Variants in TIAM1 observed in about 807,000 individuals in gnomAD.
The protein encoded by TIAM1 is TIAM Rac1 associated GEF 1.
Under a neutral mutation model 163.5 loss-of-function variants are expected in TIAM1, and 65 were observed. The observed-to-expected ratio is 0.40, with a 90% CI of 0.33 to 0.49. The LOEUF (loss-of-function observed/expected upper bound fraction) is 0.49, where lower values mean the gene tolerates loss of function less well. Among genes scored for constraint, TIAM1 ranks in the 20% least tolerant of loss-of-function variants. TIAM1 has a pLI of 0.77. For synonymous variants in TIAM1, 833 were observed against 810.1 expected (o/e 1.03, Z -0.48); for missense variants, 1,789 against 2,044.7 (o/e 0.87, Z 2.41).
At chr21:31,299,420 T>C (rs916417043) in intron 2 of TIAM1, among the ~76,000 whole-genome samples, 3 of 152,342 alleles carry the variant, frequency 2.0e-5, no homozygotes, top group Middle Eastern at 3.4e-3. Flanking sequence ...TATCAACTGT[T>C]ATTTCTTGTT....
rs370504025 is a variant in TIAM1 at position 31,456,194 on chromosome 21, A to G, written c.-369+7789T>C. ...CTTTCTGTGACTGTTTAAAATTTGT[A>G]TATTATCTAAAGAATAAAACATTTG... On this transcript the variant is annotated intron_variant, in intron 2 of 28. Coordinates refer to the TIAM1 transcript ENST00000286827. 2.6e-4 allele frequency among the ~76,000 whole-genome samples: 39 copies of G among 152,346 alleles called. No individual in the cohort carries two copies. The East Asian group carries it at 6.6e-3, about 26-fold the overall frequency.
At chr21:31,213,688 T>C (rs1467991937) in intron 9 of TIAM1, among the ~76,000 whole-genome samples, 2 of 145,492 alleles carry the variant, frequency 1.4e-5, no homozygotes, top group African/African-American at 5.6e-5. Flanking sequence ...TGTTTGACAG[T>C]TGGAAAAAAA....
intron 4 of TIAM1, 94 bp downstream of exon 4, chr21:31,265,916 G>T (rs1019010872): frequency 1.3e-6 from 2 of 1,509,090 alleles, no homozygotes; most frequent in Non-Finnish European, 1.8e-6. Context: ...GGTAAAACCC[G>T]ATTAAAAGAT....
chr21:31,315,731 C>T (rs1391859522), intron 2 of TIAM1, among the ~76,000 whole-genome samples: 5 of 150,088 alleles, frequency 3.3e-5, no homozygotes, highest in Admixed American at 6.7e-5. Context: ...ACTGTAATCC[C>T]AGCACTTTGG....
At chr21:31,184,980 C>A (rs2085210361) in intron 14 of TIAM1, among the ~76,000 whole-genome samples, 1 of 151,952 alleles carries the variant, frequency 6.6e-6, no homozygotes, top group African/African-American at 2.4e-5. Flanking sequence ...AAGCCATGAA[C>A]TACCCAGAAC....
At chr21:31,508,674 A>G (rs114848781) in intron 1 of TIAM1, among the ~76,000 whole-genome samples, 9,368 of 151,988 alleles carry the variant, frequency 0.062, 753 homozygotes, top group African/African-American at 0.18. Context: ...ACAGGCATAA[A>G]CCACCGCGCC....
intron 2 of TIAM1, among the ~76,000 whole-genome samples, chr21:31,397,909 G>C (rs977703349): frequency 7.9e-5 from 12 of 152,236 alleles, no homozygotes; most frequent in South Asian, 2.1e-4. Context: ...ATTCTTCCCT[G>C]CTACCTTGTA....
intron 13 of TIAM1, among the ~76,000 whole-genome samples, chr21:31,189,711 T>C (rs905946263): frequency 6.6e-6 from 1 of 152,098 alleles, no homozygotes; most frequent in Non-Finnish European, 1.5e-5. Context: ...CCCCACACCT[T>C]GCCTTGCAAC....
At chr21:31,322,341 T>C (rs922602389) in intron 2 of TIAM1, among the ~76,000 whole-genome samples, 2 of 151,352 alleles carry the variant, frequency 1.3e-5, no homozygotes, top group South Asian at 2.1e-4. Flanking sequence ...CTCATAATGA[T>C]GGGGAGGACA....
At chr21:31,328,533 GCTT>G (rs2075569084) in intron 2 of TIAM1, among the ~76,000 whole-genome samples, 1 of 151,742 alleles carries the variant, frequency 6.6e-6, no homozygotes, top group Non-Finnish European at 1.5e-5. Flanking sequence ...ACCACGACTG[GCTT>G]ATTATTATTT....
chr21:31,365,584 T>G (rs12481744), intron 2 of TIAM1, among the ~76,000 whole-genome samples: 1 of 151,216 alleles, frequency 6.6e-6, no homozygotes, highest in Admixed American at 6.6e-5. Context: ...AGAGATGGGG[T>G]TTCACACCAT....
rs539641372 is a variant in TIAM1 at position 31,314,809 on chromosome 21, GC to G, written c.-189+24433del. Among the ~76,000 whole-genome samples the G allele has an allele frequency of 1.7e-4, 26 of 152,186 alleles. No individual in the cohort carries two copies. In the South Asian group the frequency reaches 4.6e-3, roughly 27 times the overall value. Reference sequence around the variant, plus strand: ...TGCTAATTTCAGCGCTTCTGCATAGGCCCTGGGAATGGACCCAGGACAAGGA... The same window carrying G: ...TGCTAATTTCAGCGCTTCTGCATAGGCCTGGGAATGGACCCAGGACAAGGA... On this transcript the variant is annotated intron_variant, in intron 2 of 27. Coordinates refer to ENST00000541036, the MANE Select transcript of TIAM1 (RefSeq NM_001353694.2).
At chr21:31,224,439 T>C (rs76603806) in intron 7 of TIAM1, among the ~76,000 whole-genome samples, 6,900 of 152,296 alleles carry the variant, frequency 0.045, 446 homozygotes, top group African/African-American at 0.15. Flanking sequence ...CTACCATGTG[T>C]ATCCACCTCC....
intron 23 of TIAM1, among the ~76,000 whole-genome samples, chr21:31,133,150 G>C (rs8126910): frequency 1.7e-3 from 254 of 152,262 alleles, no homozygotes; most frequent in African/African-American, 5.9e-3. Flanking sequence ...CTTTCTGCTA[G>C]TTCTGCCTTG....
rs1182544259 is a variant in TIAM1 at position 31,225,960 on chromosome 21, G to A, written c.1585-10C>T. 2 of 1,611,044 alleles carry A rather than the reference G, an allele frequency of 1.2e-6. No individual in the cohort carries two copies. The highest frequency in any genetic ancestry group is 1.7e-6 in the Non-Finnish European group (2 of 1,177,918). On this transcript the variant is annotated splice_polypyrimidine_tract_variant and intron_variant, in intron 6 of 27. Coordinates refer to ENST00000541036, the MANE Select transcript of TIAM1 (RefSeq NM_001353694.2). The stretch of plus-strand genomic sequence containing the variant: ...CCGTCTGGCTAGTGGTCTGTACCAG[G>A]AAGAAGGGGCAGGAAGAAAAAGGCA...
chr21:31,266,487 C>T lies in TIAM1; in HGVS notation c.486G>A (p.Thr162=), dbSNP rs182350809. 69 of 1,614,172 alleles carry T rather than the reference C, an allele frequency of 4.3e-5. No individual in the cohort carries two copies. The highest frequency in any genetic ancestry group is 1.8e-4 in the East Asian group (8 of 44,884). ...TGGAGCGTTTCTTCTTAAAGCTCGC[C>T]GTCTCCATGAAAGTGGGCCCATTGG... The part of the protein sequence containing the change: ...YTSNGPTFME[T]ASFKKKRSKS... Residue 162 remains threonine, a synonymous_variant, in exon 4 of 28, where the codon ACG becomes ACA. Coordinates refer to ENST00000541036, the MANE Select transcript of TIAM1 (RefSeq NM_001353694.2).
intron 1 of TIAM1, among the ~76,000 whole-genome samples, chr21:31,472,067 T>A (rs780839287): frequency 6.6e-6 from 1 of 152,024 alleles, no homozygotes; most frequent in Non-Finnish European, 1.5e-5. Flanking sequence ...AGAGCCTGGA[T>A]GGGGAGCCTC....
chr21:31,424,350 T>C (rs505925), intron 2 of TIAM1, among the ~76,000 whole-genome samples: 6,557 of 152,278 alleles, frequency 0.043, 185 homozygotes, highest in Non-Finnish European at 0.069. Context: ...CAATCACAGC[T>C]ATTCACAGAA....
intron 2 of TIAM1, among the ~76,000 whole-genome samples, chr21:31,325,286 CA>C (rs5843509): frequency 0.17 from 23,474 of 134,866 alleles, 1,895 homozygotes; most frequent in Non-Finnish European, 0.2. Context: ...GGCCCTGTCT[CA>C]AAAAAAAAAA....
Sources: allele counts gnomAD v4.1 joint callset (sites outside exome capture counted in the v4.1 genomes callset), GRCh38; gene constraint gnomAD v4.1.1; transcripts MANE v1.5; gene names NCBI Gene and HGNC (gene_info 2026-07-23, HGNC 2026-07-21).